Variants in LYL1 observed in about 807,000 individuals in gnomAD.
LYL1 encodes protein lyl-1.
A neutral mutation model predicts 11.1 loss-of-function variants in LYL1; 4 were observed. The observed-to-expected ratio is 0.36, with a 90% CI of 0.18 to 0.82. The LOEUF (loss-of-function observed/expected upper bound fraction) is 0.82, where lower values mean the gene tolerates loss of function less well. Ranked by LOEUF, LYL1 falls within the 40% of genes least tolerant of loss-of-function variation. LYL1 has a pLI of 0.49. For synonymous variants in LYL1, 179 were observed against 174.8 expected (o/e 1.02, Z -0.19); for missense variants, 356 against 397.6 (o/e 0.90, Z 0.89).
Position 13,099,205 on chromosome 19 carries a change from CCTT to C in LYL1, c.*111_*113del. ...CCTTGCCCCTGACGTCTTCACTGGTCCTTCTTCGGGGGAGTTCGCTCCCGAACA... is the reference window on the plus strand; with the variant it reads ...CCTTGCCCCTGACGTCTTCACTGGTCCTTCGGGGGAGTTCGCTCCCGAACA... On this transcript the variant is annotated 3_prime_UTR_variant, in exon 4 of 4. Coordinates refer to ENST00000264824, the MANE Select transcript of LYL1 (RefSeq NM_005583.5). This position sits in a 1 kb window ranked among gnomAD's most constrained non-coding sequence, Gnocchi z 5.3. 9.9e-7 allele frequency: 1 copy of C among 1,012,874 alleles called. No individual in the cohort carries two copies. The highest frequency in any genetic ancestry group is 1.3e-6 in the Non-Finnish European group (1 of 790,414). The allele number at this position is 1,012,874 out of a possible 1,614,324, so 62.7% of individuals were successfully genotyped here. A position where few individuals can be genotyped will look rare whatever the true frequency, so the allele number is the denominator to read the frequency against.
chr19:13,100,855 G>T lies in LYL1; in HGVS notation c.317C>A (p.Pro106His). 6.3e-7 allele frequency: 1 copy of T among 1,575,628 alleles called. No individual in the cohort carries two copies. Among genetic ancestry groups the T allele is most frequent in the Non-Finnish European group, 8.6e-7 (1 of 1,160,830 alleles). The change falls in exon 2 of 4, where the codon CCT becomes CAT. Residue 106 changes from proline (P) to histidine (H), a missense_variant. Coordinates refer to ENST00000264824, the MANE Select transcript of LYL1 (RefSeq NM_005583.5). ...APPTLALHYHPHPFLNSVYIG... is the reference protein window; with the variant it reads ...APPTLALHYHHHPFLNSVYIG... ...CACTGACCTGTTGAGGAAGGGGTGA[G>T]GGTGGTAGTGCAGGGCCAAAGTGGG...
rs74181689 is a variant in LYL1 at position 13,102,152 on chromosome 19, A to T, written c.-25+379T>A. On this transcript the variant is annotated intron_variant, in intron 1 of 3. Coordinates refer to ENST00000264824, the MANE Select transcript of LYL1 (RefSeq NM_005583.5). The surrounding 1 kb of genome is among the most constrained non-coding windows in gnomAD (Gnocchi z 4.9). ...ATGCCCGGCTAATTTAAAAAAAAAA[A>T]TTTTTTTTGTAGAGGCAGGTTCTCA... 9.6e-3 allele frequency: 1,923 copies of T among 200,232 alleles called. 18 individuals carry two copies. Among genetic ancestry groups the T allele is most frequent in the East Asian group, 0.035 (452 of 13,052 alleles). The allele number at this position is 200,232 out of a possible 1,614,324, so 12.4% of individuals were successfully genotyped here. A position where few individuals can be genotyped will look rare whatever the true frequency, so the allele number is the denominator to read the frequency against.
At position 13,099,535 on chromosome 19, in the gene LYL1, T is replaced by C. The variant is rs1476283801; in HGVS notation, c.627A>G (p.Gln209=). Residue 209 remains glutamine, a synonymous_variant, in exon 4 of 4, where the codon CAA becomes CAG. Coordinates refer to ENST00000264824, the MANE Select transcript of LYL1 (RefSeq NM_005583.5). This position sits in a 1 kb window ranked among gnomAD's most constrained non-coding sequence, Gnocchi z 5.3. ...IGFLVRLLRD[Q]AAALAAGPTP... is the part of the protein sequence containing the mutation. Reference sequence around the variant, plus strand: ...TGGGGCCTGCGGCCAGAGCTGCGGCTTGGTCGCGCAGCAGCCGCACCAGGA... The same window carrying C: ...TGGGGCCTGCGGCCAGAGCTGCGGCCTGGTCGCGCAGCAGCCGCACCAGGA... 2.6e-6 allele frequency: 4 copies of C among 1,509,746 alleles called. No homozygotes were observed. The East Asian group carries it at 8.3e-5, about 31-fold the overall frequency. 93.5% of individuals were successfully genotyped at this position (1,509,746 alleles called of 1,614,324 possible).
In LYL1 at chr19:13,099,090, G is replaced by A. The variant is rs553960706; in HGVS notation, c.*229C>T. On this transcript the variant is annotated 3_prime_UTR_variant, in exon 4 of 4. Coordinates refer to ENST00000264824, the MANE Select transcript of LYL1 (RefSeq NM_005583.5). This position sits in a 1 kb window ranked among gnomAD's most constrained non-coding sequence, Gnocchi z 5.3. ...ACCTCGCCCCTGGGAAGGGGACCGG[G>A]CAAGGCCACTTCCAGAGGGTTGTGG... 3 of 386,002 alleles carry A rather than the reference G, an allele frequency of 7.8e-6. No individual in the cohort carries two copies. The highest frequency in any genetic ancestry group is 1.4e-4 in the South Asian group (1 of 7,070). 23.9% of individuals were successfully genotyped at this position (386,002 alleles called of 1,614,324 possible).
rs2018638603 is a variant in LYL1, at chr19:13,099,301, A to C, written c.*18T>G. 2.4e-6 allele frequency: 3 copies of C among 1,264,148 alleles called. No homozygotes were observed. The highest frequency in any genetic ancestry group is 7.0e-5 in the Admixed American group (2 of 28,492). 78.3% of individuals were successfully genotyped at this position (1,264,148 alleles called of 1,614,324 possible). On this transcript the variant is annotated 3_prime_UTR_variant, in exon 4 of 4. Transcript: ENST00000264824. The surrounding 1 kb of genome is among the most constrained non-coding windows in gnomAD (Gnocchi z 5.3). Reference sequence around the variant, plus strand: ...GAGTCCCTGGTGCCCTCCGGCTCAGAGGTGCTGCCGCGTGCGGTCACCGCA... The same window carrying C: ...GAGTCCCTGGTGCCCTCCGGCTCAGCGGTGCTGCCGCGTGCGGTCACCGCA...
Position 13,102,153 on chromosome 19 carries a change from T to A in LYL1, c.-25+378A>T, listed in dbSNP as rs199600047. On this transcript the variant is annotated intron_variant, in intron 1 of 3. Coordinates refer to ENST00000264824, the MANE Select transcript of LYL1 (RefSeq NM_005583.5). This position sits in a 1 kb window ranked among gnomAD's most constrained non-coding sequence, Gnocchi z 4.9. ...TGCCCGGCTAATTTAAAAAAAAAAA[T>A]TTTTTTTGTAGAGGCAGGTTCTCAC... 390 of 196,430 alleles carry A rather than the reference T, an allele frequency of 2.0e-3. No homozygotes were observed. Among genetic ancestry groups the A allele is most frequent in the East Asian group, 0.01 (128 of 12,710 alleles). 12.2% of individuals were successfully genotyped at this position (196,430 alleles called of 1,614,324 possible). A position where few individuals can be genotyped will look rare whatever the true frequency, so the allele number is the denominator to read the frequency against.
rs1286406857 is a variant in LYL1 at position 13,101,305 on chromosome 19, G to C, written c.-24-110C>G. On this transcript the variant is annotated intron_variant, in intron 1 of 3. Coordinates refer to ENST00000264824, the MANE Select transcript of LYL1 (RefSeq NM_005583.5). The surrounding 1 kb of genome is among the most constrained non-coding windows in gnomAD (Gnocchi z 5.1). ...AGGAGGGAGGGGGAGGGGGAAAGGAGGAGGAGAGAAGTTTCAGTAGGCAAA... is the reference window on the plus strand; with the variant it reads ...AGGAGGGAGGGGGAGGGGGAAAGGACGAGGAGAGAAGTTTCAGTAGGCAAA... 2.3e-6 allele frequency: 1 copy of C among 437,758 alleles called. No individual in the cohort carries two copies. The highest frequency in any genetic ancestry group is 3.9e-6 in the Non-Finnish European group (1 of 253,192). 27.1% of individuals were successfully genotyped at this position (437,758 alleles called of 1,614,324 possible). A position where few individuals can be genotyped will look rare whatever the true frequency, so the allele number is the denominator to read the frequency against.
At position 13,102,851 on chromosome 19, in the gene LYL1, A is replaced by AGATAAGGGCCAGGCTGCCTGGCCGCGCCT. The variant is rs2018706032; in HGVS notation, c.-346_-345insAGGCGCGGCCAGGCAGCCTGGCCCTTATC. On this transcript the variant is annotated 5_prime_UTR_variant, in exon 1 of 4. Transcript: ENST00000264824. This position sits in a 1 kb window ranked among gnomAD's most constrained non-coding sequence, Gnocchi z 4.9. Reference sequence around the variant, plus strand: ...CGGCCGGAGGATGCTGGCCCAGTGCAGATAAGGGCCAGGCTGCCTGGCCGC... The same window carrying AGATAAGGGCCAGGCTGCCTGGCCGCGCCT: ...CGGCCGGAGGATGCTGGCCCAGTGCAGATAAGGGCCAGGCTGCCTGGCCGCGCCTGATAAGGGCCAGGCTGCCTGGCCGC... 2.0e-5 allele frequency: 3 copies of AGATAAGGGCCAGGCTGCCTGGCCGCGCCT among 152,076 alleles called. No homozygotes were observed. The highest frequency in any genetic ancestry group is 3.1e-3 in the Middle Eastern group (1 of 318). The allele number at this position is 152,076 out of a possible 1,614,324, so 9.4% of individuals were successfully genotyped here.
In LYL1 at chr19:13,101,258, T is replaced by C; in HGVS notation, c.-24-63A>G. ...GGTGCCCCGCTCCCACCTGCTTAGC[T>C]CAAGAAACCCCTCAAATGGGAAGGA... On this transcript the variant is annotated intron_variant, in intron 1 of 3. Transcript: ENST00000264824. The surrounding 1 kb of genome is among the most constrained non-coding windows in gnomAD (Gnocchi z 5.1). 2.0e-6 allele frequency: 1 copy of C among 495,120 alleles called. No individual in the cohort carries two copies. The highest frequency in any genetic ancestry group is 3.1e-6 in the Non-Finnish European group (1 of 320,182). 30.7% of individuals were successfully genotyped at this position (495,120 alleles called of 1,614,324 possible).
rs760636016 is a variant in LYL1 at position 13,100,921 on chromosome 19, C to T, written c.251G>A (p.Arg84Gln). The T allele has an allele frequency of 1.4e-5, 21 of 1,546,248 alleles. No individual in the cohort carries two copies. The highest frequency in any genetic ancestry group is 2.7e-5 in the African/African-American group (2 of 73,448). The change falls in exon 2 of 4, where the codon CGG becomes CAG. Residue 84 changes from arginine to glutamine, a missense_variant. Physicochemically the swap from Arg to Gln is conservative, Grantham distance 43. Transcript: ENST00000264824. ...GGTGGAGAGTTGCAGCAGCGGGGGC[C>T]GCAGAGTGCCCAGCTCTGTGGTGGG... ...AMPTTELGTL[R>Q]PPLLQLSTLG...
At chr19:13,100,166 C>T (rs762731297) in intron 3 of LYL1, among the ~76,000 whole-genome samples, 1 of 152,180 alleles carries the variant, frequency 6.6e-6, no homozygotes, top group Admixed American at 6.5e-5. Flanking sequence ...TGTTATGTCT[C>T]ATGGCTGTGG....
In LYL1 at chr19:13,101,951, A is replaced by C. The variant is rs975588843; in HGVS notation, c.-25+580T>G. 3.5e-5 allele frequency: 8 copies of C among 231,050 alleles called. No individual in the cohort carries two copies. The highest frequency in any genetic ancestry group is 6.1e-5 in the East Asian group (1 of 16,372). 14.3% of individuals were successfully genotyped at this position (231,050 alleles called of 1,614,324 possible). ...CTCTGGCTTGGAAGCCCCCATCCTCATCAGCATCCACGCTTTTTAAAATTT... is the reference window on the plus strand; with the variant it reads ...CTCTGGCTTGGAAGCCCCCATCCTCCTCAGCATCCACGCTTTTTAAAATTT... On this transcript the variant is annotated intron_variant, in intron 1 of 3. Transcript: ENST00000264824. This position sits in a 1 kb window ranked among gnomAD's most constrained non-coding sequence, Gnocchi z 5.1.
chr19:13,100,683 C>T lies in LYL1; in HGVS notation c.401G>A (p.Ser134Asn), dbSNP rs1055515202. 6.2e-6 allele frequency: 10 copies of T among 1,614,106 alleles called. No individual in the cohort carries two copies. In the African/African-American group the frequency reaches 1.1e-4, roughly 17 times the overall value. The change falls in exon 3 of 4, where the codon AGC becomes AAC. Residue 134 changes from serine (S) to asparagine (N), a missense_variant. Physicochemically the swap from Ser to Asn is conservative, Grantham distance 46 (BLOSUM62 1). Transcript: ENST00000264824. ...FPSSRLKRRP[S>N]HCELDLAEGH... is the part of the protein sequence containing the mutation. ...CTCAGCCAGGTCCAGCTCACAGTGG[C>T]TTGGTCTCCGCTTCAACCGGCTGCT...
chr19:13,099,581 A>T lies in LYL1; in HGVS notation c.581T>A (p.Leu194Gln). 1 of 1,551,744 alleles carries T rather than the reference A, an allele frequency of 6.4e-7. No homozygotes were observed. Among genetic ancestry groups the T allele is most frequent in the South Asian group, 1.2e-5 (1 of 83,618 alleles). Residue 194 changes from leucine to glutamine, a missense_variant, in exon 4 of 4, where the codon CTA becomes CAA. Coordinates refer to ENST00000264824, the MANE Select transcript of LYL1 (RefSeq NM_005583.5). The surrounding 1 kb of genome is among the most constrained non-coding windows in gnomAD (Gnocchi z 5.3). ...RKLSKNEVLR[L>Q]AMKYIGFLVR... ...CAGGAAGCCGATGTACTTCATGGCT[A>T]GGCGGAGCACCTCGTTCTTGCTCAG...
In LYL1 at chr19:13,101,327, C is replaced by A; in HGVS notation, c.-24-132G>T. On this transcript the variant is annotated intron_variant, in intron 1 of 3. Transcript: ENST00000264824. The surrounding 1 kb of genome is among the most constrained non-coding windows in gnomAD (Gnocchi z 5.1). ...GGAGGAGGAGAGAAGTTTCAGTAGG[C>A]AAAGGCAGATGGCGGGGGCAGGCCC... 4.9e-6 allele frequency: 2 copies of A among 411,078 alleles called. No homozygotes were observed. The highest frequency in any genetic ancestry group is 7.5e-5 in the South Asian group (1 of 13,392). 25.5% of individuals were successfully genotyped at this position (411,078 alleles called of 1,614,324 possible).
chr19:13,100,348 C>A (rs1384164665), intron 3 of LYL1, among the ~76,000 whole-genome samples: 3 of 147,656 alleles, frequency 2.0e-5, no homozygotes, highest in Non-Finnish European at 4.6e-5. Flanking sequence ...TGCGTGGCTG[C>A]ACATTCCAGT....
In LYL1 at chr19:13,101,981, AT is replaced by A. The variant is rs1176454103; in HGVS notation, c.-25+549del. The stretch of plus-strand genomic sequence containing the variant: ...CATCCACGCTTTTTAAAATTTGTTT[AT>A]TTTTTTAGAGACAGGGTCTCCCTCT... On this transcript the variant is annotated intron_variant, in intron 1 of 3. Coordinates refer to ENST00000264824, the MANE Select transcript of LYL1 (RefSeq NM_005583.5). The surrounding 1 kb of genome is among the most constrained non-coding windows in gnomAD (Gnocchi z 5.1). 1 of 227,252 alleles carries A rather than the reference AT, an allele frequency of 4.4e-6. No homozygotes were observed. Among genetic ancestry groups the A allele is most frequent in the Admixed American group, 5.7e-5 (1 of 17,538 alleles). 14.1% of individuals were successfully genotyped at this position (227,252 alleles called of 1,614,324 possible).
chr19:13,100,851 G>A lies in LYL1; in HGVS notation c.321C>T (p.His107=). The A allele has an allele frequency of 2.5e-6, 4 of 1,577,454 alleles. No homozygotes were observed. Among genetic ancestry groups the A allele is most frequent in the Non-Finnish European group, 3.4e-6 (4 of 1,161,788 alleles). Residue 107 remains histidine, a synonymous_variant, in exon 2 of 4, where the codon CAC becomes CAT. Coordinates refer to ENST00000264824, the MANE Select transcript of LYL1 (RefSeq NM_005583.5). ...TCCCCACTGACCTGTTGAGGAAGGG[G>A]TGAGGGTGGTAGTGCAGGGCCAAAG... ...PPTLALHYHP[H]PFLNSVYIGP...
At position 13,099,115 on chromosome 19, in the gene LYL1, G is replaced by C. The variant is rs2018632530; in HGVS notation, c.*204C>G. ...GCAAGGCCACTTCCAGAGGGTTGTG[G>C]GTGATTTTTTTAAGGGTCTGCGGGT... On this transcript the variant is annotated 3_prime_UTR_variant, in exon 4 of 4. Transcript: ENST00000264824. The surrounding 1 kb of genome is among the most constrained non-coding windows in gnomAD (Gnocchi z 5.3). 3 of 424,984 alleles carry C rather than the reference G, an allele frequency of 7.1e-6. No homozygotes were observed. The highest frequency in any genetic ancestry group is 6.1e-5 in the African/African-American group (3 of 48,930). The allele number at this position is 424,984 out of a possible 1,614,324, so 26.3% of individuals were successfully genotyped here.
Sources: gnomAD v4.1 joint callset for allele counts (sites outside exome capture counted in the v4.1 genomes callset) on GRCh38, gnomAD v4.1.1 for gene constraint, Gnocchi (gnomAD v3.1) non-coding constraint, MANE v1.5 for transcripts, NCBI Gene and HGNC (gene_info 2026-07-23, HGNC 2026-07-21) for gene names.